The following MARCHF1 variants were observed in gnomAD, a reference collection of about 807,000 sequenced individuals.
The protein encoded by MARCHF1 is membrane associated ring-CH-type finger 1.
In MARCHF1, 40 loss-of-function variants were observed where a neutral mutation model predicts 54.2. That is an observed-to-expected ratio of 0.74 (90% CI 0.57 to 0.96). The LOEUF is 0.96. Among genes scored for constraint, MARCHF1 ranks in the 40% least tolerant of loss-of-function variants. The pLI is 0.00. For missense variants in MARCHF1, 586 were observed against 656.5 expected, an observed-to-expected ratio of 0.89 and a Z score of 1.17; for synonymous variants, 236 against 236.3, an observed-to-expected ratio of 1.00 and a Z score of 0.01.
At chr4:163,674,444 G>A (rs571090170) in intron 5 of MARCHF1, among the ~76,000 whole-genome samples, 11 of 152,106 alleles carry the variant, frequency 7.2e-5, no homozygotes, top group Non-Finnish European at 1.5e-4. Context: ...TTTCTAAATC[G>A]CCTGGGCCAT....
intron 4 of MARCHF1, among the ~76,000 whole-genome samples, chr4:163,841,082 A>G (rs1315065299): frequency 6.6e-6 from 1 of 152,130 alleles, no homozygotes; most frequent in Non-Finnish European, 1.5e-5. Context: ...AAAGAATGTA[A>G]TTCTTTCACT....
At chr4:164,138,766 C>T (rs1438473754) in intron 1 of MARCHF1, among the ~76,000 whole-genome samples, 1 of 152,110 alleles carries the variant, frequency 6.6e-6, no homozygotes, top group Non-Finnish European at 1.5e-5. Context: ...TAAGTGATAG[C>T]TCCTTGCTGG....
chr4:164,034,291 T>C (rs1358627737), intron 2 of MARCHF1, among the ~76,000 whole-genome samples: 5 of 151,962 alleles, frequency 3.3e-5, no homozygotes, highest in African/African-American at 9.7e-5. Context: ...TGAAAACACA[T>C]GGACACAGGG....
At chr4:163,774,302 G>A (rs1314867160) in intron 4 of MARCHF1, among the ~76,000 whole-genome samples, 1 of 152,046 alleles carries the variant, frequency 6.6e-6, no homozygotes, top group Non-Finnish European at 1.5e-5. Context: ...ATCCACTGTT[G>A]GTAGACTCCA....
At chr4:163,760,856 T>G (rs1373069852) in intron 4 of MARCHF1, among the ~76,000 whole-genome samples, 1 of 152,224 alleles carries the variant, frequency 6.6e-6, no homozygotes, top group Non-Finnish European at 1.5e-5. Context: ...TTTTTCTATT[T>G]AAAGTGAAAG....
At chr4:164,149,903 T>G (rs1378096518) in intron 1 of MARCHF1, among the ~76,000 whole-genome samples, 5 of 152,172 alleles carry the variant, frequency 3.3e-5, no homozygotes, top group Non-Finnish European at 5.9e-5. Context: ...TTGCAGCCAT[T>G]AGTGTCTCAT....
chr4:164,356,780 C>CAAAAAAAAAAAAAAAAAAAAAACA (rs58855405), intron 1 of MARCHF1, among the ~76,000 whole-genome samples: 1 of 103,276 alleles, frequency 9.7e-6, no homozygotes, highest in African/African-American at 3.5e-5. Context: ...AAAAGAAAAG[C>CAAAAAAAAAAAAAAAAAAAAAACA]AAAAAAAAAA....
At chr4:164,343,273 T>C (rs897304398) in intron 1 of MARCHF1, among the ~76,000 whole-genome samples, 1 of 152,138 alleles carries the variant, frequency 6.6e-6, no homozygotes, top group Non-Finnish European at 1.5e-5. Flanking sequence ...AATTTTTACT[T>C]GTCAATCATA....
At chr4:163,866,052 T>C (rs779660168) in intron 3 of MARCHF1, among the ~76,000 whole-genome samples, 6 of 151,786 alleles carry the variant, frequency 4.0e-5, no homozygotes, top group South Asian at 2.1e-4. Flanking sequence ...AAAAGAGTTA[T>C]ATATTTTCTT....
intron 1 of MARCHF1, among the ~76,000 whole-genome samples, chr4:164,141,862 G>A (rs7436731): frequency 0.19 from 28,221 of 152,110 alleles, 4,119 homozygotes; most frequent in African/African-American, 0.39. Context: ...AGCTCCCAGC[G>A]TGAGCAACGC....
rs1242159495 is a variant in MARCHF1, at chr4:163,858,797, C to T, written c.-38-4628G>A. 4.6e-5 allele frequency among the ~76,000 whole-genome samples: 7 copies of T among 152,290 alleles called. No individual in the cohort carries two copies. In the East Asian group the frequency reaches 1.4e-3, roughly 29 times the overall value. ...GTGGACCTCTGAGTGGATGTTTTCA[C>T]GTGCTCACACACAGTCCTTACACAT... is the stretch of plus-strand genomic sequence containing the variant. On this transcript the variant is annotated intron_variant, in intron 3 of 9. Coordinates refer to ENST00000514618, the MANE Select transcript of MARCHF1 (RefSeq NM_001394959.1).
At chr4:163,931,661 A>T (rs1452075552) in intron 3 of MARCHF1, among the ~76,000 whole-genome samples, 1 of 152,200 alleles carries the variant, frequency 6.6e-6, no homozygotes, top group Non-Finnish European at 1.5e-5. Context: ...AACCCAAAAG[A>T]CTAAAACAAT....
intron 1 of MARCHF1, among the ~76,000 whole-genome samples, chr4:164,146,793 C>T (rs1729758149): frequency 6.6e-6 from 1 of 152,120 alleles, no homozygotes; most frequent in Non-Finnish European, 1.5e-5. Context: ...ACACCAAAAG[C>T]AATGGCAACA....
At chr4:164,113,883 C>A (rs1442504112) in intron 1 of MARCHF1, among the ~76,000 whole-genome samples, 1 of 145,250 alleles carries the variant, frequency 6.9e-6, no homozygotes, top group Non-Finnish European at 1.5e-5. Context: ...GGGTGACCCA[C>A]TCATTTTAAA....
intron 1 of MARCHF1, among the ~76,000 whole-genome samples, chr4:164,262,154 C>T (rs1489722833): frequency 6.7e-6 from 1 of 149,064 alleles, no homozygotes; most frequent in Non-Finnish European, 1.5e-5. Flanking sequence ...GAGAAAGGAT[C>T]TTATTTATCA....
chr4:164,017,966 GAAAT>G lies in MARCHF1; in HGVS notation c.-247-29261_-247-29258del, dbSNP rs1473269574. Among the ~76,000 whole-genome samples, 3 of 151,678 alleles carry G rather than the reference GAAAT, an allele frequency of 2.0e-5. No homozygotes were observed. In the East Asian group the frequency reaches 5.8e-4, roughly 29 times the overall value. On this transcript the variant is annotated intron_variant, in intron 2 of 9. Coordinates refer to ENST00000514618, the MANE Select transcript of MARCHF1 (RefSeq NM_001394959.1). ...ATATGGATGGACAAATGGATCAAGA[GAAAT>G]AAATAAAAAGTTTTGGAATACTTTC...
At chr4:163,927,512 C>T (rs1007489900) in intron 3 of MARCHF1, among the ~76,000 whole-genome samples, 1 of 151,644 alleles carries the variant, frequency 6.6e-6, no homozygotes, top group Non-Finnish European at 1.5e-5. Context: ...GAGGTGCTGC[C>T]GTTATATTTT....
intron 2 of MARCHF1, among the ~76,000 whole-genome samples, chr4:164,036,398 C>T (rs912479186): frequency 3.3e-5 from 5 of 152,060 alleles, no homozygotes; most frequent in Non-Finnish European, 7.4e-5. Context: ...AATGACTACT[C>T]TAATTGAGTT....
At chr4:164,383,704 G>C (rs1288864834) in intron 1 of MARCHF1, 166 bp downstream of exon 1, 3 of 152,838 alleles carry the variant, frequency 2.0e-5, no homozygotes, top group Non-Finnish European at 4.4e-5. Flanking sequence ...CCCCAGCCAC[G>C]CTCCCCAGTG....
Sources: allele counts gnomAD v4.1 joint callset (sites outside exome capture counted in the v4.1 genomes callset), GRCh38; gene constraint gnomAD v4.1.1; transcripts MANE v1.5; gene names NCBI Gene and HGNC (gene_info 2026-07-23, HGNC 2026-07-21).